The following NCF2 variants were observed in gnomAD, a reference collection of about 807,000 sequenced individuals.
The protein encoded by NCF2 is neutrophil cytosolic factor 2, also known as neutrophil cytosol factor 2.
Under a neutral mutation model 70.9 loss-of-function variants are expected in NCF2, and 45 were observed. The ratio of observed to expected loss-of-function variants is 0.63; its 90% CI spans 0.50 to 0.81. The LOEUF (loss-of-function observed/expected upper bound fraction) is 0.81. NCF2 is among the 40% of genes least tolerant of loss of function. The pLI, the probability that NCF2 is intolerant of heterozygous loss-of-function variation, is 0.00. For synonymous variants in NCF2, 203 were observed against 233.6 expected, an observed-to-expected ratio of 0.87 and a Z score of 1.19; for missense variants, 522 against 631.6, an observed-to-expected ratio of 0.83 and a Z score of 1.86.
intron 1 of NCF2, among the ~76,000 whole-genome samples, chr1:183,588,474 C>CA (rs58562761): frequency 0.46 from 46,601 of 101,378 alleles, 8,780 homozygotes; most frequent in Middle Eastern, 0.54. Flanking sequence ...GACTCCATCT[C>CA]AAAAAAAAAA....
Position 183,565,837 on chromosome 1 carries a change from G to C in NCF2, c.925-58C>G. ...TCATTCAAAGTTCCCAGGCAGGGGTGGATGTGGGGAAACACCCCTACAGAG... is the reference window on the plus strand; with the variant it reads ...TCATTCAAAGTTCCCAGGCAGGGGTCGATGTGGGGAAACACCCCTACAGAG... On this transcript the variant is annotated intron_variant, in intron 9 of 14. Coordinates refer to ENST00000367535, the MANE Select transcript of NCF2 (RefSeq NM_000433.4). 6 of 1,554,258 alleles carry C rather than the reference G, an allele frequency of 3.9e-6. No homozygotes were observed. The South Asian group carries it at 5.6e-5, about 14-fold the overall frequency.
upstream of NCF2, among the ~76,000 whole-genome samples, chr1:183,594,772 A>G (rs1373736280): frequency 1.4e-5 from 2 of 143,366 alleles, no homozygotes; most frequent in Non-Finnish European, 3.0e-5. Context: ...CTGGAAGCCA[A>G]GAACACTCCC....
At chr1:183,599,423 C>CTTCCTTCTTTCTTTCTTTCTTTCCTTTCT in the NCF2 span, among the ~76,000 whole-genome samples, 1 of 107,426 alleles carries the variant, frequency 9.3e-6, no homozygotes, top group African/African-American at 3.8e-5. Context: ...TCTTTCTTTC[C>CTTCCTTCTTTCTTTCTTTCTTTCCTTTCT]TTCTTTCTTT....
At chr1:183,585,301 C>T (rs917010439) in intron 2 of NCF2, among the ~76,000 whole-genome samples, 8 of 152,102 alleles carry the variant, frequency 5.3e-5, no homozygotes, top group African/African-American at 1.9e-4. Flanking sequence ...ACCCCACCCA[C>T]ACCATGCACA....
upstream of NCF2, among the ~76,000 whole-genome samples, chr1:183,593,538 T>A (rs910895111): frequency 6.6e-6 from 1 of 152,140 alleles, no homozygotes; most frequent in Non-Finnish European, 1.5e-5. Flanking sequence ...CATGGTTTCA[T>A]ATGAGCCAGC....
At chr1:183,580,347 C>T (rs1024010473) in intron 2 of NCF2, among the ~76,000 whole-genome samples, 1 of 152,140 alleles carries the variant, frequency 6.6e-6, no homozygotes, top group Non-Finnish European at 1.5e-5. Context: ...CCCAGAAGTA[C>T]GCCAGAAATC....
intron 14 of NCF2, among the ~76,000 whole-genome samples, chr1:183,559,696 TAAATACACAA>T (rs1231295387): frequency 4.6e-5 from 7 of 152,102 alleles, no homozygotes; most frequent in Non-Finnish European, 1.0e-4. Flanking sequence ...CCATCTCTAC[TAAATACACAA>T]AAATTAGCTA....
At chr1:183,589,067 C>T (rs1673514428) in intron 1 of NCF2, among the ~76,000 whole-genome samples, 1 of 152,210 alleles carries the variant, frequency 6.6e-6, no homozygotes, top group African/African-American at 2.4e-5. Context: ...GGGGTCCTGC[C>T]ATGCTCTGCC....
intron 2 of NCF2, among the ~76,000 whole-genome samples, chr1:183,583,917 G>A (rs1445676190): frequency 6.6e-6 from 1 of 152,192 alleles, no homozygotes; most frequent in African/African-American, 2.4e-5. Context: ...GAATATGAAT[G>A]GAGGGGACAA....
At chr1:183,597,861 T>C in the NCF2 span, 1 of 152,262 alleles carries the variant, frequency 6.6e-6, no homozygotes, top group Non-Finnish European at 1.5e-5. Context: ...TTAGGGTATA[T>C]GCCTGTCTCT....
intron 14 of NCF2, among the ~76,000 whole-genome samples, chr1:183,558,303 T>C (rs764435858): frequency 2.0e-5 from 3 of 151,960 alleles, no homozygotes; most frequent in Non-Finnish European, 4.4e-5. Context: ...AGTCTCACTC[T>C]GTAACCCAGG....
At chr1:183,590,565 AAAG>A (rs199728796), upstream of NCF2, 651 of 593,808 alleles carry the variant, frequency 1.1e-3, 3 homozygotes, top group Non-Finnish European at 1.6e-4. Flanking sequence ...AGAGAAAAGG[AAAG>A]AAGCAGAGAG....
upstream of NCF2, among the ~76,000 whole-genome samples, chr1:183,592,476 T>C (rs1325241945): frequency 6.6e-6 from 1 of 152,242 alleles, no homozygotes. Flanking sequence ...CTTTATCTGC[T>C]CAATTCATGG....
intron 2 of NCF2, among the ~76,000 whole-genome samples, chr1:183,580,159 G>C (rs1156846917): frequency 6.6e-6 from 1 of 152,160 alleles, no homozygotes; most frequent in Non-Finnish European, 1.5e-5. Context: ...TGGCTATGCG[G>C]GAAATAAAAG....
the NCF2 span, among the ~76,000 whole-genome samples, chr1:183,597,162 G>A: frequency 6.6e-6 from 1 of 152,114 alleles, no homozygotes; most frequent in East Asian, 1.9e-4. Context: ...GGATGCAGTT[G>A]GCCTTTTCAG....
rs767437169 is a variant in NCF2 at position 183,567,210 on chromosome 1, G to T, written c.849C>A (p.Asn283Lys). The part of the protein sequence containing the change: ...GNDNWATVMF[N>K]GQKGLVPCNY... ...CCCCTGATCCTCTGCATACCTGCCC[G>T]TTGAACATGACCGTGGCCCAGTTAT... The change falls in exon 8 of 15, where the codon AAC (asparagine) becomes AAA (lysine). Residue 283 changes from asparagine (N) to lysine (K), a missense_variant. Asn to Lys is a moderately conservative substitution (Grantham distance 94). Transcript: ENST00000367535. 2 of 1,614,010 alleles carry T rather than the reference G, an allele frequency of 1.2e-6. No homozygotes were observed. Among genetic ancestry groups the T allele is most frequent in the East Asian group, 2.2e-5 (1 of 44,880 alleles).
chr1:183,559,272 C>G (rs1417289916), intron 14 of NCF2, among the ~76,000 whole-genome samples: 6 of 152,184 alleles, frequency 3.9e-5, no homozygotes, highest in Non-Finnish European at 2.9e-5. Context: ...AAGTGATCCT[C>G]CTACCTCAGC....
intron 3 of NCF2, among the ~76,000 whole-genome samples, chr1:183,577,186 C>T (rs1672835299): frequency 6.6e-6 from 1 of 152,112 alleles, no homozygotes; most frequent in South Asian, 2.1e-4. Context: ...TCTGGCAGGT[C>T]CTGCACGGAC....
chr1:183,558,919 T>C (rs932368164), intron 14 of NCF2, among the ~76,000 whole-genome samples: 2 of 152,194 alleles, frequency 1.3e-5, no homozygotes, highest in African/African-American at 2.4e-5. Flanking sequence ...TTTTCTGTTA[T>C]AATTGATGGT....
Sources: allele counts gnomAD v4.1 joint callset (sites outside exome capture counted in the v4.1 genomes callset), GRCh38; gene constraint gnomAD v4.1.1; transcripts MANE v1.5; gene names NCBI Gene and HGNC (gene_info 2026-07-23, HGNC 2026-07-21).